KLHL29: variants seen among roughly 807,000 people sequenced by gnomAD.
KLHL29 encodes the protein kelch like family member 29.
A neutral mutation model predicts 80.4 loss-of-function variants in KLHL29; 21 were observed. The observed-to-expected ratio is 0.26, with a 90% confidence interval of 0.19 to 0.38. KLHL29 has a LOEUF of 0.38. Ranked by LOEUF, KLHL29 falls within the 10% of genes least tolerant of loss-of-function variation. KLHL29 has a pLI of 1.00. For synonymous variants in KLHL29, 511 were observed against 526.8 expected (o/e 0.97, Z 0.41); for missense variants, 867 against 1,223.9 (o/e 0.71, Z 4.35).
intron 1 of KLHL29, among the ~76,000 whole-genome samples, chr2:23,450,036 A>G (rs527549087): frequency 6.6e-6 from 1 of 152,322 alleles, no homozygotes; most frequent in South Asian, 2.1e-4. Flanking sequence ...CTTCTCAACA[A>G]AGACAGTCTT....
chr2:23,466,023 A>G (rs556281114), intron 1 of KLHL29, among the ~76,000 whole-genome samples: 6 of 152,110 alleles, frequency 3.9e-5, no homozygotes, highest in Admixed American at 6.5e-5. Flanking sequence ...GAGTGCAGAC[A>G]AGAGACGTCG....
intron 2 of KLHL29, among the ~76,000 whole-genome samples, chr2:23,487,843 G>A (rs1233441780): frequency 6.6e-6 from 1 of 152,214 alleles, no homozygotes; most frequent in Non-Finnish European, 1.5e-5. Flanking sequence ...GGAGTTTCTA[G>A]ATGTTGAACC....
At chr2:23,615,306 A>G (rs1057425716) in intron 3 of KLHL29, among the ~76,000 whole-genome samples, 1 of 151,974 alleles carries the variant, frequency 6.6e-6, no homozygotes, top group African/African-American at 2.4e-5. Context: ...TCTCACGTCC[A>G]TTTTCACTGA....
chr2:23,462,278 C>T (rs1277905395), intron 1 of KLHL29, among the ~76,000 whole-genome samples: 4 of 152,128 alleles, frequency 2.6e-5, no homozygotes, highest in Admixed American at 2.6e-4. Context: ...GGAAATGCTA[C>T]CTGGTCTGTG....
At chr2:23,543,193 C>A (rs544134019) in intron 2 of KLHL29, among the ~76,000 whole-genome samples, 1 of 152,266 alleles carries the variant, frequency 6.6e-6, no homozygotes, top group African/African-American at 2.4e-5. Context: ...ACCACATGGT[C>A]TAGAGGGACC....
chr2:23,391,662 C>T (rs1666325167), intron 1 of KLHL29, among the ~76,000 whole-genome samples: 2 of 152,112 alleles, frequency 1.3e-5, no homozygotes, highest in Non-Finnish European at 2.9e-5. Context: ...CTCGAACTCC[C>T]AACCTCAGGT....
At chr2:23,434,824 G>C (rs1023447276) in intron 1 of KLHL29, among the ~76,000 whole-genome samples, 5 of 152,162 alleles carry the variant, frequency 3.3e-5, no homozygotes, top group Non-Finnish European at 5.9e-5. Flanking sequence ...GTCCAGCTGT[G>C]AGCTGATCAC....
intron 2 of KLHL29, among the ~76,000 whole-genome samples, chr2:23,500,156 A>G (rs1665398073): frequency 6.6e-6 from 1 of 152,162 alleles, no homozygotes; most frequent in Non-Finnish European, 1.5e-5. Flanking sequence ...AGGGAACAGC[A>G]GGATATTCAG....
chr2:23,460,708 G>A (rs1664184929), intron 1 of KLHL29, among the ~76,000 whole-genome samples: 1 of 151,880 alleles, frequency 6.6e-6, no homozygotes. Flanking sequence ...TGCAAACTCA[G>A]GAGCTTCCCG....
At chr2:23,499,124 G>A (rs1278092563) in intron 2 of KLHL29, among the ~76,000 whole-genome samples, 2 of 152,156 alleles carry the variant, frequency 1.3e-5, no homozygotes. Context: ...GCTGCCTGAG[G>A]AAATGGTTTC....
At chr2:23,612,221 T>C (rs1668887771) in intron 3 of KLHL29, among the ~76,000 whole-genome samples, 1 of 152,090 alleles carries the variant, frequency 6.6e-6, no homozygotes, top group South Asian at 2.1e-4. Context: ...GAGAAAAATC[T>C]AAAAAGCAGG....
intron 1 of KLHL29, among the ~76,000 whole-genome samples, chr2:23,417,799 G>A (rs1000365528): frequency 6.6e-6 from 1 of 152,090 alleles, no homozygotes; most frequent in South Asian, 2.1e-4. Flanking sequence ...GGCTTGTTCA[G>A]CCTGGATTTT....
intron 1 of KLHL29, among the ~76,000 whole-genome samples, chr2:23,455,067 A>T (rs1366714062): frequency 6.6e-5 from 10 of 151,910 alleles, no homozygotes; most frequent in African/African-American, 2.4e-4. Context: ...ATCTCTGAAG[A>T]CAAATTTATT....
At chr2:23,577,918 C>T (rs915268445) in intron 3 of KLHL29, among the ~76,000 whole-genome samples, 27 of 152,236 alleles carry the variant, frequency 1.8e-4, no homozygotes, top group African/African-American at 6.3e-4. Context: ...TGTCTCTGTT[C>T]GGAATGCCCT....
At chr2:23,659,188 G>A (rs1670332448) in intron 5 of KLHL29, among the ~76,000 whole-genome samples, 1 of 150,618 alleles carries the variant, frequency 6.6e-6, no homozygotes, top group East Asian at 1.9e-4. Context: ...ATGTGCGGGA[G>A]CTGAATGGTA....
At chr2:23,585,703 C>T (rs1668100662) in intron 3 of KLHL29, among the ~76,000 whole-genome samples, 1 of 152,144 alleles carries the variant, frequency 6.6e-6, no homozygotes, top group Admixed American at 6.5e-5. Context: ...GGTGAACTCC[C>T]TCACCAAGGG....
At chr2:23,612,558 A>G (rs1402475207) in intron 3 of KLHL29, among the ~76,000 whole-genome samples, 3 of 152,264 alleles carry the variant, frequency 2.0e-5, no homozygotes, top group South Asian at 2.1e-4. Flanking sequence ...CCTGGCCAAC[A>G]TGGAGAAACC....
chr2:23,523,078 G>A (rs1572375954), intron 2 of KLHL29, among the ~76,000 whole-genome samples: 1 of 152,028 alleles, frequency 6.6e-6, no homozygotes, highest in Non-Finnish European at 1.5e-5. Context: ...CAGAACCTTG[G>A]GGGGCAGAGG....
intron 3 of KLHL29, among the ~76,000 whole-genome samples, chr2:23,565,461 A>G (rs906795702): frequency 6.6e-6 from 1 of 152,206 alleles, no homozygotes. Flanking sequence ...AGGAAAGAGC[A>G]TCTCAAACCT....
Sources: gnomAD v4.1 joint callset for allele counts (sites outside exome capture counted in the v4.1 genomes callset) on GRCh38, gnomAD v4.1.1 for gene constraint, MANE v1.5 for transcripts, NCBI Gene and HGNC (gene_info 2026-07-23, HGNC 2026-07-21) for gene names.